DOCK6: variants seen among roughly 807,000 people sequenced by gnomAD.
DOCK6 encodes the protein dedicator of cytokinesis protein 6.
A neutral mutation model predicts 230.3 loss-of-function variants in DOCK6; 167 were observed. The ratio of observed to expected loss-of-function variants is 0.73; its 90% confidence interval spans 0.64 to 0.82. DOCK6 has a LOEUF of 0.82. Ranked by LOEUF, DOCK6 falls within the 40% of genes least tolerant of loss-of-function variation. The pLI, the probability that DOCK6 is intolerant of heterozygous loss-of-function variation, is 0.00. For missense variants in DOCK6, 2,598 were observed against 2,825.8 expected (o/e 0.92, Z 1.83); for synonymous variants, 1,148 against 1,185.0 (o/e 0.97, Z 0.64).
Position 11,215,934 on chromosome 19 carries a change from G to T in DOCK6, c.3895-7C>A, listed in dbSNP as rs368322024. On this transcript the variant is annotated splice_polypyrimidine_tract_variant and splice_region_variant and intron_variant, in intron 30 of 47. Coordinates refer to ENST00000294618, the MANE Select transcript of DOCK6 (RefSeq NM_020812.4). ...GTTCAAAGGCCTTTTTCCCCTGGGG[G>T]TGCAGAGAACTGGGGTTCCAGGCTG... 1.2e-6 allele frequency: 2 copies of T among 1,613,584 alleles called. No homozygotes were observed. Among genetic ancestry groups the T allele is most frequent in the Non-Finnish European group, 1.7e-6 (2 of 1,179,810 alleles).
rs200042437 is a variant in DOCK6, at chr19:11,217,084, C to T, written c.3724G>A (p.Gly1242Ser). 808 of 1,612,292 alleles carry T rather than the reference C, an allele frequency of 5.0e-4. No homozygotes were observed. Among genetic ancestry groups the T allele is most frequent in the Non-Finnish European group, 6.1e-4 (720 of 1,179,392 alleles). Reference sequence around the variant, plus strand: ...CTTGACTCAGCAGAGAGGGCACAGCCTGCGCGAGAAGCCTGGGGCCAGAGA... The same window carrying T: ...CTTGACTCAGCAGAGAGGGCACAGCTTGCGCGAGAAGCCTGGGGCCAGAGA... ...SQGPPTASRAGCALSAESSRT... is the reference protein window; with the variant it reads ...SQGPPTASRASCALSAESSRT... Residue 1242 changes from glycine (G) to serine (S), a missense_variant, in exon 30 of 48, where the codon GGC becomes AGC. Coordinates refer to ENST00000294618, the MANE Select transcript of DOCK6 (RefSeq NM_020812.4).
At chr19:11,238,405 C>T (rs923447453) in intron 14 of DOCK6, 101 bp from the exon 15 acceptor site, 4 of 1,090,176 alleles carry the variant, frequency 3.7e-6, no homozygotes, top group Admixed American at 2.0e-5. Context: ...CACAGACAGT[C>T]CAGGAAGAGT....
In DOCK6 at chr19:11,252,238, G is replaced by C. The variant is rs2080129151; in HGVS notation, c.388C>G (p.Leu130Val). ...WVIVHRRYQY[L>V]SAAYSPVTTD... ...GTGACGGGGCTGTATGCTGCACTCA[G>C]GTACTGATACCTAGCAGGAAACGGG... Residue 130 changes from leucine (L) to valine (V), a missense_variant, in exon 5 of 48, where the codon CTG becomes GTG. Physicochemically the swap from Leu to Val is conservative, Grantham distance 32. Transcript: ENST00000294618. The C allele has an allele frequency of 1.9e-6, 3 of 1,584,264 alleles. No homozygotes were observed. Among genetic ancestry groups the C allele is most frequent in the Admixed American group, 3.7e-5 (2 of 54,500 alleles).
In DOCK6 at chr19:11,227,345, C is replaced by A. The variant is rs760511457; in HGVS notation, c.2947G>T (p.Val983Phe). Residue 983 changes from valine (V) to phenylalanine (F), a missense_variant, in exon 24 of 48, where the codon GTC (valine) becomes TTC (phenylalanine). Val to Phe is a conservative substitution (Grantham distance 50, BLOSUM62 -1). Transcript: ENST00000294618. Reference protein sequence around the residue: ...GSVGLEVITRVHKDVELAEHL... With the variant: ...GSVGLEVITRFHKDVELAEHL... ...GACCCTGCATCTCTCACCTTGTGGA[C>A]ACGGGTGATGACCTCCAGGCCCACA... 1.4e-5 allele frequency: 22 copies of A among 1,613,730 alleles called. No individual in the cohort carries two copies. Among genetic ancestry groups the A allele is most frequent in the Non-Finnish European group, 1.8e-5 (21 of 1,179,866 alleles).
In DOCK6 at chr19:11,249,791, G is replaced by C. The variant is rs578255815; in HGVS notation, c.720+1083C>G. 2.1e-5 allele frequency among the ~76,000 whole-genome samples: 3 copies of C among 145,372 alleles called. No homozygotes were observed. The East Asian group carries it at 6.5e-4, about 32-fold the overall frequency. On this transcript the variant is annotated intron_variant, in intron 6 of 47. Coordinates refer to ENST00000294618, the MANE Select transcript of DOCK6 (RefSeq NM_020812.4). ...CTGGCGCCTGTAGTCCCAGCTACTC[G>C]GGAGGCTGAGGCAGGAGAATGGCGT... is the stretch of plus-strand genomic sequence containing the variant.
At chr19:11,253,453 C>T (rs2080151763) in intron 2 of DOCK6, among the ~76,000 whole-genome samples, 186 bp downstream of exon 2, 1 of 152,114 alleles carries the variant, frequency 6.6e-6, no homozygotes, top group African/African-American at 2.4e-5. Flanking sequence ...AGAGTGGCCA[C>T]AGGAATTGGT....
intron 21 of DOCK6, among the ~76,000 whole-genome samples, chr19:11,234,756 A>T (rs954336362): frequency 1.3e-5 from 2 of 152,198 alleles, no homozygotes; most frequent in African/African-American, 4.8e-5. Flanking sequence ...GCTACTGAAG[A>T]GGCTTGCTGA....
chr19:11,219,560 C>T (rs993081386), intron 28 of DOCK6, among the ~76,000 whole-genome samples: 27 of 151,490 alleles, frequency 1.8e-4, no homozygotes, highest in African/African-American at 9.7e-5. Context: ...GATGTCGAGG[C>T]GGGAGGATCA....
At position 11,204,218 on chromosome 19, in the gene DOCK6, G is replaced by C. The variant is rs1204256044; in HGVS notation, c.5202C>G (p.Phe1734Leu). The change falls in exon 40 of 48, where the codon TTC becomes TTG. Residue 1734 changes from phenylalanine to leucine, a missense_variant. Transcript: ENST00000294618. ...GGCCCACCTGGTGCATGATCTTGGTGAAGGCCTCCTGCAGTTTGCCGTGCA... is the reference window on the plus strand; with the variant it reads ...GGCCCACCTGGTGCATGATCTTGGTCAAGGCCTCCTGCAGTTTGCCGTGCA... Reference protein sequence around the residue: ...AAVHGKLQEAFTKIMHQSSGW... With the variant: ...AAVHGKLQEALTKIMHQSSGW... The C allele has an allele frequency of 6.4e-7, 1 of 1,561,984 alleles. No homozygotes were observed. Among genetic ancestry groups the C allele is most frequent in the South Asian group, 1.2e-5 (1 of 85,436 alleles).
chr19:11,244,991 TG>T lies in DOCK6; in HGVS notation c.1023+571del, dbSNP rs2080010550. ...TCCAATCCTGACCACTCAGGGGCTGTGGGACCCTGGGCAGTGGGACCCTATC... is the reference window on the plus strand; with the variant it reads ...TCCAATCCTGACCACTCAGGGGCTGTGGACCCTGGGCAGTGGGACCCTATC... On this transcript the variant is annotated intron_variant, in intron 9 of 47. Transcript: ENST00000294618. Among the ~76,000 whole-genome samples, 4 of 152,246 alleles carry T rather than the reference TG, an allele frequency of 2.6e-5. No homozygotes were observed. The Middle Eastern group carries it at 0.01, about 388-fold the overall frequency.
In DOCK6 at chr19:11,252,180, A is replaced by T. The variant is rs1482797871; in HGVS notation, c.446T>A (p.Leu149His). The change falls in exon 5 of 48, where the codon CTC (leucine) becomes CAC (histidine). Residue 149 changes from leucine (L) to histidine (H), a missense_variant. Coordinates refer to ENST00000294618, the MANE Select transcript of DOCK6 (RefSeq NM_020812.4). Reference sequence around the variant, plus strand: ...ATCCTGCTCAAAGACCTGGCGGGGGAGGCCCTTCTGTCGCTCCCGCTGTGT... The same window carrying T: ...ATCCTGCTCAAAGACCTGGCGGGGGTGGCCCTTCTGTCGCTCCCGCTGTGT... ...TDTQRERQKG[L>H]PRQVFEQDAS... The T allele has an allele frequency of 6.3e-7, 1 of 1,583,140 alleles. No individual in the cohort carries two copies. The highest frequency in any genetic ancestry group is 2.3e-5 in the East Asian group (1 of 43,340).
At position 11,236,173 on chromosome 19, in the gene DOCK6, C is replaced by A. The variant is rs983339081; in HGVS notation, c.2392+173G>T. 22 of 704,554 alleles carry A rather than the reference C, an allele frequency of 3.1e-5. No individual in the cohort carries two copies. The highest frequency in any genetic ancestry group is 4.1e-5 in the Non-Finnish European group (18 of 434,806). 43.6% of individuals were successfully genotyped at this position (704,554 alleles called of 1,614,324 possible). A position where few individuals can be genotyped will look rare whatever the true frequency, so the allele number is the denominator to read the frequency against. ...GGGATGACAGGCGTGAACCGCTGCACCCGGGCCAAAGGGTCACAGAAGACC... is the reference window on the plus strand; with the variant it reads ...GGGATGACAGGCGTGAACCGCTGCAACCGGGCCAAAGGGTCACAGAAGACC... On this transcript the variant is annotated intron_variant, in intron 20 of 47. Coordinates refer to ENST00000294618, the MANE Select transcript of DOCK6 (RefSeq NM_020812.4). This position sits in a 1 kb window ranked among gnomAD's most constrained non-coding sequence, Gnocchi z 5.2.
chr19:11,240,430 A>G, intron 14 of DOCK6: 2 of 906,764 alleles, frequency 2.2e-6, no homozygotes, highest in Non-Finnish European at 3.2e-6. Context: ...GTCCCCAGAC[A>G]AAACTCAAGT....
chr19:11,202,234 T>C lies in DOCK6; in HGVS notation c.5452-109A>G. On this transcript the variant is annotated intron_variant, in intron 43 of 47. Transcript: ENST00000294618. This position sits in a 1 kb window ranked among gnomAD's most constrained non-coding sequence, Gnocchi z 5.3. The stretch of plus-strand genomic sequence containing the variant: ...ACTTTGTCATTTCCAAGTCTTCCTA[T>C]GTCTGGATGTTTGGGAATCCCCTGA... 2.9e-6 allele frequency: 4 copies of C among 1,391,190 alleles called. No homozygotes were observed. Among genetic ancestry groups the C allele is most frequent in the Non-Finnish European group, 2.0e-6 (2 of 1,006,016 alleles). The allele number at this position is 1,391,190 out of a possible 1,614,324, so 86.2% of individuals were successfully genotyped here.
intron 1 of DOCK6, among the ~76,000 whole-genome samples, 173 bp downstream of exon 1, chr19:11,262,224 G>A (rs1024611543): frequency 1.3e-5 from 2 of 151,904 alleles, no homozygotes; most frequent in African/African-American, 4.8e-5. Flanking sequence ...CGGGACCCCC[G>A]CGGCCCTCCC....
At position 11,242,183 on chromosome 19, in the gene DOCK6, G is replaced by A. The variant is rs758537208; in HGVS notation, c.1505C>T (p.Pro502Leu). The change falls in exon 14 of 48, where the codon CCG becomes CTG. Residue 502 changes from proline (P) to leucine (L), a missense_variant. By Grantham distance (98) the Pro-to-Leu change is moderately conservative. Coordinates refer to ENST00000294618, the MANE Select transcript of DOCK6 (RefSeq NM_020812.4). ...GCAGAAGTGGGGATTTTCAGGAGCC[G>A]GAGAAATGTCGATCTTGAGCTGGGC... ...VTAQLKIDIS[P>L]APENPHFCLS... 14 of 1,465,444 alleles carry A rather than the reference G, an allele frequency of 9.6e-6. No individual in the cohort carries two copies. In the East Asian group the frequency reaches 1.5e-4, roughly 16 times the overall value. 90.8% of individuals were successfully genotyped at this position (1,465,444 alleles called of 1,614,324 possible).
chr19:11,207,780 A>T (rs557308147), intron 39 of DOCK6, among the ~76,000 whole-genome samples: 1 of 151,770 alleles, frequency 6.6e-6, no homozygotes, highest in South Asian at 2.1e-4. Flanking sequence ...AATACAAAAA[A>T]TTAGCCGGAC....
intron 23 of DOCK6, among the ~76,000 whole-genome samples, chr19:11,228,373 G>T (rs995256596): frequency 5.3e-5 from 8 of 151,904 alleles, no homozygotes; most frequent in African/African-American, 1.7e-4. Flanking sequence ...TCTAGGTGAG[G>T]GTCTCTTAAT....
rs1452428953 is a variant in DOCK6 at position 11,246,594 on chromosome 19, C to A, written c.807-716G>T. Among the ~76,000 whole-genome samples the A allele has an allele frequency of 2.0e-5, 3 of 152,082 alleles. No homozygotes were observed. In the South Asian group the frequency reaches 6.2e-4, roughly 31 times the overall value. ...TGAAGTTTTTTTCCCCCTCCCTACA[C>A]CCTCAGTAAGTAACTCACACAGAGC... On this transcript the variant is annotated intron_variant, in intron 7 of 47. Coordinates refer to ENST00000294618, the MANE Select transcript of DOCK6 (RefSeq NM_020812.4).
Sources: allele counts gnomAD v4.1 joint callset (sites outside exome capture counted in the v4.1 genomes callset), GRCh38; gene constraint gnomAD v4.1.1; non-coding constraint Gnocchi (gnomAD v3.1); transcripts MANE v1.5; gene names NCBI Gene and HGNC (gene_info 2026-07-23, HGNC 2026-07-21).